ATR: variants seen among roughly 807,000 people sequenced by gnomAD.
ATR encodes the protein serine/threonine-protein kinase ATR.
A neutral mutation model predicts 305.3 loss-of-function variants in ATR; 142 were observed. The ratio of observed to expected loss-of-function variants is 0.47; its 90% CI spans 0.41 to 0.53. The LOEUF is 0.53. Among genes scored for constraint, ATR ranks in the 20% least tolerant of loss-of-function variants. ATR has a pLI of 0.00. For synonymous variants in ATR, 1,050 were observed against 1,068.1 expected (o/e 0.98, Z 0.33); for missense variants, 2,135 against 3,133.1 (o/e 0.68, Z 7.60).
At chr3:142,521,519 CT>C (rs1240566995) in intron 23 of ATR, among the ~76,000 whole-genome samples, 1 of 152,142 alleles carries the variant, frequency 6.6e-6, no homozygotes, top group Non-Finnish European at 1.5e-5. Context: ...AACTGAAAAC[CT>C]TCTGGAAAGA....
chr3:142,554,957 C>T (rs187269378), intron 10 of ATR, among the ~76,000 whole-genome samples: 2 of 151,112 alleles, frequency 1.3e-5, no homozygotes, highest in Admixed American at 6.6e-5. Context: ...GAAGAAAGGC[C>T]GGGCATGGTG....
At chr3:142,521,479 G>A (rs1458543922) in intron 23 of ATR, among the ~76,000 whole-genome samples, 1 of 152,326 alleles carries the variant, frequency 6.6e-6, no homozygotes, top group East Asian at 1.9e-4. Flanking sequence ...GCCACAGATA[G>A]TAATTCCTCT....
chr3:142,543,738 C>T (rs755273348), intron 16 of ATR, among the ~76,000 whole-genome samples: 139 of 152,010 alleles, frequency 9.1e-4, no homozygotes, highest in African/African-American at 2.9e-3. Flanking sequence ...GGCACAATCA[C>T]GACTCACTGC....
rs754812951 is a variant in ATR at position 142,497,024 on chromosome 3, G to A, written c.5727C>T (p.Ser1909=). ...PILALRRALL[S]LNKRPDYNEM... is the part of the protein sequence containing the mutation. Reference sequence around the variant, plus strand: ...GTAGTGTGAGAAACCTTTTGTTGAGGCTTAGTAAAGCCCTCCGGAGAGCCA... The same window carrying A: ...GTAGTGTGAGAAACCTTTTGTTGAGACTTAGTAAAGCCCTCCGGAGAGCCA... Residue 1909 remains serine (S), a synonymous_variant, in exon 33 of 47, where the codon AGC becomes AGT. Coordinates refer to ENST00000350721, the MANE Select transcript of ATR (RefSeq NM_001184.4). 1.9e-6 allele frequency: 3 copies of A among 1,612,448 alleles called. No individual in the cohort carries two copies. Among genetic ancestry groups the A allele is most frequent in the Admixed American group, 3.4e-5 (2 of 59,500 alleles).
chr3:142,472,712 A>G (rs754748049), intron 36 of ATR, among the ~76,000 whole-genome samples: 22 of 151,962 alleles, frequency 1.4e-4, no homozygotes, highest in Non-Finnish European at 2.6e-4. Flanking sequence ...ATCCTGGCTC[A>G]CTGCAACCTC....
In ATR at chr3:142,560,445, A is replaced by C. The variant is rs202239914; in HGVS notation, c.1359T>G (p.His453Gln). Reference sequence around the variant, plus strand: ...ATATGCTCTTTTGGTTCATGTCCACATGTTTAATTCTATAATTATGAATAT... The same window carrying C: ...ATATGCTCTTTTGGTTCATGTCCACCTGTTTAATTCTATAATTATGAATAT... ...RAPKQTEEIKHVDMNQKSILW... is the reference protein window; with the variant it reads ...RAPKQTEEIKQVDMNQKSILW... The change falls in exon 6 of 47, where the codon CAT becomes CAG. Residue 453 changes from histidine (H) to glutamine (Q), a missense_variant. Coordinates refer to ENST00000350721, the MANE Select transcript of ATR (RefSeq NM_001184.4). 4.2e-5 allele frequency: 67 copies of C among 1,609,080 alleles called. No homozygotes were observed. Among genetic ancestry groups the C allele is most frequent in the Admixed American group, 1.7e-4 (10 of 59,994 alleles).
chr3:142,474,275 G>A (rs992824640), intron 36 of ATR, among the ~76,000 whole-genome samples: 3 of 151,894 alleles, frequency 2.0e-5, no homozygotes, highest in African/African-American at 7.3e-5. Flanking sequence ...GAAAGAATAA[G>A]CTATTGGAAT....
intron 21 of ATR, among the ~76,000 whole-genome samples, chr3:142,528,879 A>ATATATATATATATATTT (rs1215767510): frequency 1.3e-4 from 4 of 30,486 alleles, no homozygotes; most frequent in Admixed American, 5.4e-4. Context: ...ATATATATAT[A>ATATATATATATATATTT]TTTTTTTTTT....
At chr3:142,522,640 C>G in intron 23 of ATR, 88 bp downstream of exon 23, 2 of 1,143,642 alleles carry the variant, frequency 1.7e-6, no homozygotes, top group Non-Finnish European at 2.6e-6. Context: ...AGAATTAAAA[C>G]AAAAAGGAGT....
intron 7 of ATR, 170 bp downstream of exon 7, chr3:142,559,081 T>C: frequency 1.4e-6 from 1 of 720,734 alleles, no homozygotes; most frequent in Non-Finnish European, 2.2e-6. Context: ...ATTATGCACA[T>C]AAATTGGCAA....
chr3:142,483,878 T>A (rs1290729499), intron 36 of ATR, among the ~76,000 whole-genome samples: 1 of 150,856 alleles, frequency 6.6e-6, no homozygotes, highest in Non-Finnish European at 1.5e-5. Context: ...AAATAAAATA[T>A]ATATATATAT....
Position 142,538,632 on chromosome 3 carries a change from GA to G in ATR, c.3582-8del. 1 of 1,613,074 alleles carries G rather than the reference GA, an allele frequency of 6.2e-7. No homozygotes were observed. The highest frequency in any genetic ancestry group is 8.5e-7 in the Non-Finnish European group (1 of 1,179,468). On this transcript the variant is annotated splice_polypyrimidine_tract_variant and splice_region_variant and intron_variant, in intron 18 of 46. Coordinates refer to ENST00000350721, the MANE Select transcript of ATR (RefSeq NM_001184.4). ...AACAAAGCAGTCCCAAGCTCTATGT[GA>G]AAAAACAAATAGAAATGAAGTCCAA...
chr3:142,470,557 T>C (rs1267262992), intron 36 of ATR, among the ~76,000 whole-genome samples: 1 of 152,200 alleles, frequency 6.6e-6, no homozygotes, highest in East Asian at 1.9e-4. Flanking sequence ...TGGGAAATTA[T>C]AATAACTTGG....
intron 37 of ATR, 137 bp from the exon 38 acceptor site, chr3:142,469,706 G>A: frequency 1.4e-6 from 1 of 717,390 alleles, no homozygotes; most frequent in Non-Finnish European, 2.3e-6. Flanking sequence ...TAGGTCACTT[G>A]CCAATTTGTG....
chr3:142,560,409 T>C lies in ATR; in HGVS notation c.1395A>G (p.Ala465=). The C allele has an allele frequency of 6.2e-7, 1 of 1,613,760 alleles. No individual in the cohort carries two copies. The highest frequency in any genetic ancestry group is 8.5e-7 in the Non-Finnish European group (1 of 1,179,728). Reference sequence around the variant, plus strand: ...GAAGGGATTCAGCTTTCTGTTTCAGTGCACTCCATAATATGCTCTTTTGGT... The same window carrying C: ...GAAGGGATTCAGCTTTCTGTTTCAGCGCACTCCATAATATGCTCTTTTGGT... ...DMNQKSILWS[A]LKQKAESLQI... Residue 465 remains alanine, a synonymous_variant, in exon 6 of 47, where the codon GCA becomes GCG. Coordinates refer to ENST00000350721, the MANE Select transcript of ATR (RefSeq NM_001184.4).
chr3:142,486,855 C>G (rs952247502), intron 35 of ATR, among the ~76,000 whole-genome samples: 3 of 145,722 alleles, frequency 2.1e-5, no homozygotes, highest in African/African-American at 7.6e-5. Flanking sequence ...ATGGCTTATG[C>G]TTGTAATCCC....
At chr3:142,577,525 AAT>A (rs1181948793) in intron 1 of ATR, among the ~76,000 whole-genome samples, 1 of 152,234 alleles carries the variant, frequency 6.6e-6, no homozygotes, top group Non-Finnish European at 1.5e-5. Flanking sequence ...CACACTCAAA[AAT>A]AGTGATGCAG....
At position 142,458,877 on chromosome 3, in the gene ATR, G is replaced by C. The variant is rs933290270; in HGVS notation, c.7503+81C>G. 73 of 1,479,680 alleles carry C rather than the reference G, an allele frequency of 4.9e-5. 1 individual carries two copies. The South Asian group carries it at 8.4e-4, about 17-fold the overall frequency. 91.7% of individuals were successfully genotyped at this position (1,479,680 alleles called of 1,614,324 possible). A position where few individuals can be genotyped will look rare whatever the true frequency, so the allele number is the denominator to read the frequency against. On this transcript the variant is annotated intron_variant, in intron 44 of 46. Transcript: ENST00000350721. ...ACTGTGAGTATAACTGCTACTAACA[G>C]GTATGTCAAGGAAGATACAGTTGTT...
chr3:142,553,604 ATAAAT>A (rs780027520), intron 12 of ATR, 31 bp downstream of exon 12: 2 of 1,556,812 alleles, frequency 1.3e-6, no homozygotes, highest in African/African-American at 2.7e-5. Context: ...AATGGCCAAA[ATAAAT>A]AAGGAAGAAC....
Sources: gnomAD v4.1 joint callset for allele counts (sites outside exome capture counted in the v4.1 genomes callset) on GRCh38, gnomAD v4.1.1 for gene constraint, MANE v1.5 for transcripts, NCBI Gene and HGNC (gene_info 2026-07-23, HGNC 2026-07-21) for gene names.